The following SBF2 variants were observed in gnomAD, a reference collection of about 807,000 sequenced individuals.
SBF2 encodes SET binding factor 2.
SBF2 carries 112 observed loss-of-function variants against 225.2 expected under a neutral mutation model. The ratio of observed to expected loss-of-function variants is 0.50; its 90% CI spans 0.43 to 0.58. The LOEUF (loss-of-function observed/expected upper bound fraction) is 0.58, where lower values mean the gene tolerates loss of function less well. SBF2 is among the 20% of genes least tolerant of loss of function. The pLI is 0.00. For missense variants in SBF2, 1,996 were observed against 2,206.2 expected, an observed-to-expected ratio of 0.90 and a Z score of 1.91; for synonymous variants, 763 against 773.3, an observed-to-expected ratio of 0.99 and a Z score of 0.22.
intron 16 of SBF2, among the ~76,000 whole-genome samples, chr11:9,919,509 G>T (rs1040579150): frequency 1.3e-5 from 2 of 151,922 alleles, no homozygotes; most frequent in African/African-American, 4.8e-5. Context: ...TGCGTGAGAG[G>T]GTCGTGATCG....
rs538485150 is a variant in SBF2 at position 10,175,036 on chromosome 11, G to A, written c.141+18866C>T. ...GCGCTAAACATGGAAAGGAACGACC[G>A]ATACCAGCCGCTGCAAAATCATGCC... On this transcript the variant is annotated intron_variant, in intron 2 of 39. Transcript: ENST00000256190. 2.6e-4 allele frequency among the ~76,000 whole-genome samples: 39 copies of A among 151,914 alleles called. No individual in the cohort carries two copies. The East Asian group carries it at 5.6e-3, about 22-fold the overall frequency.
At chr11:10,036,701 T>C (rs1166615162) in intron 3 of SBF2, among the ~76,000 whole-genome samples, 1 of 152,216 alleles carries the variant, frequency 6.6e-6, no homozygotes, top group African/African-American at 2.4e-5. Context: ...AGTCTTCTCT[T>C]AAGCTACTTC....
intron 1 of SBF2, among the ~76,000 whole-genome samples, chr11:10,233,604 T>C (rs1196794581): frequency 2.3e-5 from 3 of 128,380 alleles, no homozygotes; most frequent in Admixed American, 7.9e-5. Flanking sequence ...CAACCTGTGA[T>C]AATTCTCCAA....
At chr11:10,076,292 G>A (rs767696626) in intron 2 of SBF2, among the ~76,000 whole-genome samples, 8 of 152,214 alleles carry the variant, frequency 5.3e-5, no homozygotes, top group Non-Finnish European at 7.3e-5. Context: ...ATGCACTCCC[G>A]TCTCCAACTA....
rs562162189 is a variant in SBF2 at position 9,989,309 on chromosome 11, G to A, written c.1395+188C>T. On this transcript the variant is annotated intron_variant, in intron 13 of 39. Transcript: ENST00000256190. ...GACTTGGGGTGAAGAGTGGGAGGGA[G>A]GCGAGGGATAAAAGACTACAAATAT... Among the ~76,000 whole-genome samples the A allele has an allele frequency of 4.6e-5, 7 of 152,146 alleles. No individual in the cohort carries two copies. The South Asian group carries it at 1.5e-3, about 32-fold the overall frequency.
rs1257570582 is a variant in SBF2 at position 9,845,534 on chromosome 11, C to G, written c.3110+31G>C. 2.5e-6 allele frequency: 4 copies of G among 1,599,452 alleles called. No individual in the cohort carries two copies. In the Admixed American group the frequency reaches 5.0e-5, roughly 20 times the overall value. ...CCTTTTGCAATCAATTACGGGAGGG[C>G]TGAAATTAACAGACTTGTCTTTCTT... is the stretch of plus-strand genomic sequence containing the variant. On this transcript the variant is annotated intron_variant, in intron 24 of 39. Transcript: ENST00000256190.
At chr11:10,046,535 C>A (rs2134694960) in intron 2 of SBF2, among the ~76,000 whole-genome samples, 1 of 151,744 alleles carries the variant, frequency 6.6e-6, no homozygotes, top group South Asian at 2.1e-4. Flanking sequence ...CCAATAGATG[C>A]AGAAAATGCA....
chr11:9,958,107 C>T (rs997218297), intron 16 of SBF2: 2 of 152,180 alleles, frequency 1.3e-5, no homozygotes, highest in Admixed American at 1.3e-4. Context: ...AAAAATCCCC[C>T]TCCTTCAAAC....
chr11:10,227,680 T>G (rs890596199), intron 1 of SBF2, among the ~76,000 whole-genome samples: 4 of 152,208 alleles, frequency 2.6e-5, no homozygotes, highest in Admixed American at 2.0e-4. Context: ...CATTGGTCTA[T>G]ATATCTGTTT....
rs1949191944 is a variant in SBF2, at chr11:10,029,867, C to A, written c.411G>T (p.Leu137=). 6.2e-7 allele frequency: 1 copy of A among 1,609,654 alleles called. No individual in the cohort carries two copies. Among genetic ancestry groups the A allele is most frequent in the Non-Finnish European group, 8.5e-7 (1 of 1,175,974 alleles). Residue 137 remains leucine, a synonymous_variant, in exon 5 of 40, where the codon CTG becomes CTT. Coordinates refer to ENST00000256190, the MANE Select transcript of SBF2 (RefSeq NM_030962.4). ...LYYPEIFRAC[L]GLIYTVYVDS... is the part of the protein sequence containing the mutation. ...CCACATACACGGTATAGATCAAACCCAGGCAAGCCTGCAAAAAGATAAATA... is the reference window on the plus strand; with the variant it reads ...CCACATACACGGTATAGATCAAACCAAGGCAAGCCTGCAAAAAGATAAATA...
intron 1 of SBF2, among the ~76,000 whole-genome samples, chr11:10,222,558 C>G (rs1372809): frequency 0.39 from 59,801 of 151,988 alleles, 12,827 homozygotes; most frequent in Non-Finnish European, 0.48. Flanking sequence ...GAAAACAGAT[C>G]AATAAATTAC....
chr11:9,917,604 T>A (rs1477888364), intron 16 of SBF2, among the ~76,000 whole-genome samples: 1 of 151,776 alleles, frequency 6.6e-6, no homozygotes, highest in Non-Finnish European at 1.5e-5. Flanking sequence ...AGTGCTGGGA[T>A]TACAGGCATG....
chr11:10,105,818 T>C (rs1952521540), intron 2 of SBF2, among the ~76,000 whole-genome samples: 1 of 152,192 alleles, frequency 6.6e-6, no homozygotes, highest in Non-Finnish European at 1.5e-5. Flanking sequence ...TCTATAGCTA[T>C]ATCAAACTCT....
At chr11:9,921,746 G>T (rs1863649158) in intron 16 of SBF2, among the ~76,000 whole-genome samples, 1 of 152,300 alleles carries the variant, frequency 6.6e-6, no homozygotes, top group African/African-American at 2.4e-5. Flanking sequence ...CAGTAAGTAT[G>T]AGCCCAGTGC....
intron 1 of SBF2, among the ~76,000 whole-genome samples, chr11:10,243,210 T>A (rs1959407805): frequency 6.6e-6 from 1 of 151,818 alleles, no homozygotes; most frequent in Non-Finnish European, 1.5e-5. Context: ...AATTAAACAA[T>A]ATATTCTGGA....
At position 9,785,154 on chromosome 11, in the gene SBF2, G is replaced by C; in HGVS notation, c.5202C>G (p.Ser1734Arg). The C allele has an allele frequency of 6.2e-7, 1 of 1,613,358 alleles. No homozygotes were observed. Among genetic ancestry groups the C allele is most frequent in the East Asian group, 2.2e-5 (1 of 44,882 alleles). ...GVERRAATLY[S>R]QYTSKNDENR... Reference sequence around the variant, plus strand: ...TTTCATCATTCTTGGATGTATACTGGCTATAGAGCGTGGCTGCTCTTCGCT... The same window carrying C: ...TTTCATCATTCTTGGATGTATACTGCCTATAGAGCGTGGCTGCTCTTCGCT... Residue 1734 changes from serine (S) to arginine (R), a missense_variant, in exon 37 of 40, where the codon AGC becomes AGG. Transcript: ENST00000256190.
intron 16 of SBF2, among the ~76,000 whole-genome samples, chr11:9,939,338 C>T (rs895421966): frequency 1.2e-4 from 19 of 152,150 alleles, no homozygotes; most frequent in African/African-American, 3.4e-4. Flanking sequence ...CCTTGTGATC[C>T]GCCCACCTTA....
At chr11:9,966,470 T>C (rs1156558059) in intron 14 of SBF2, among the ~76,000 whole-genome samples, 1 of 152,252 alleles carries the variant, frequency 6.6e-6, no homozygotes, top group Admixed American at 6.5e-5. Flanking sequence ...ATTCACATTT[T>C]ATACATGCAT....
rs1298773496 is a variant in SBF2, at chr11:9,809,100, G to A, written c.4156-98C>T. On this transcript the variant is annotated intron_variant, in intron 30 of 39. Coordinates refer to ENST00000256190, the MANE Select transcript of SBF2 (RefSeq NM_030962.4). The stretch of plus-strand genomic sequence containing the variant: ...AACCCTGGATAATCAAACGACTTAG[G>A]GATAAAGCGCTTGCACAAAAGAACC... 8.4e-6 allele frequency: 7 copies of A among 835,450 alleles called. No homozygotes were observed. The East Asian group carries it at 1.5e-4, about 18-fold the overall frequency. The allele number at this position is 835,450 out of a possible 1,614,324, so 51.8% of individuals were successfully genotyped here. A position where few individuals can be genotyped will look rare whatever the true frequency, so the allele number is the denominator to read the frequency against.
Sources: allele counts gnomAD v4.1 joint callset (sites outside exome capture counted in the v4.1 genomes callset), GRCh38; gene constraint gnomAD v4.1.1; transcripts MANE v1.5; gene names NCBI Gene and HGNC (gene_info 2026-07-23, HGNC 2026-07-21).